The following ADAM28 variants were observed in gnomAD, a reference collection of about 807,000 sequenced individuals.
ADAM28 encodes disintegrin and metalloproteinase domain-containing protein 28.
In ADAM28, 105 loss-of-function variants were observed where a neutral mutation model predicts 101.2. The ratio of observed to expected loss-of-function variants is 1.04; its 90% confidence interval spans 0.89 to 1.22. ADAM28 has a LOEUF of 1.22. Ranked by LOEUF, ADAM28 falls within the 50% of genes most tolerant of loss-of-function variation. The pLI is 0.00. For missense variants in ADAM28, 1,028 were observed against 945.4 expected (o/e 1.09, Z -1.15); for synonymous variants, 322 against 310.6 (o/e 1.04, Z -0.39).
intron 5 of ADAM28, 68 bp downstream of exon 5, chr8:24,311,505 G>T (rs1810456105): frequency 8.1e-7 from 1 of 1,236,360 alleles, no homozygotes; most frequent in African/African-American, 1.5e-5. Context: ...TAACCAACCA[G>T]ATGAATCCCA....
Position 24,357,830 on chromosome 8 carries a change from G to T in ADAM28, c.*3426G>T, listed in dbSNP as rs1273371746. The T allele has an allele frequency of 6.6e-6, 1 of 151,912 alleles. No homozygotes were observed. Among genetic ancestry groups the T allele is most frequent in the East Asian group, 1.9e-4 (1 of 5,188 alleles). The allele number at this position is 151,912 out of a possible 1,614,324, so 9.4% of individuals were successfully genotyped here. A position where few individuals can be genotyped will look rare whatever the true frequency, so the allele number is the denominator to read the frequency against. ...CCTTCTTTACTAGCACCGAGGATTT[G>T]CTTGAAATCTCTGATAGCCAGTATT... On this transcript the variant is annotated 3_prime_UTR_variant, in exon 23 of 23. Coordinates refer to ENST00000265769, the MANE Select transcript of ADAM28 (RefSeq NM_014265.6).
chr8:24,311,373 T>C lies in ADAM28; in HGVS notation c.319T>C (p.Tyr107His). 1 of 1,612,598 alleles carries C rather than the reference T, an allele frequency of 6.2e-7. No individual in the cohort carries two copies. Among genetic ancestry groups the C allele is most frequent in the Non-Finnish European group, 8.5e-7 (1 of 1,179,276 alleles). ...CCTTTTCCTTTAGGATGATTGTTAT[T>C]ATCAAGGACATATTCTTAATGAAAA... is the stretch of plus-strand genomic sequence containing the variant. ...TSPQIMDDCY[Y>H]QGHILNEKVS... The change falls in exon 5 of 23, where the codon TAT (tyrosine) becomes CAT (histidine). Residue 107 changes from tyrosine to histidine, a missense_variant. By Grantham distance (83) the Tyr-to-His change is moderately conservative. Coordinates refer to ENST00000265769, the MANE Select transcript of ADAM28 (RefSeq NM_014265.6).
intron 16 of ADAM28, among the ~76,000 whole-genome samples, chr8:24,342,111 C>T (rs182259563): frequency 6.6e-6 from 1 of 152,282 alleles, no homozygotes; most frequent in East Asian, 1.9e-4. Flanking sequence ...CTGAAAGTGC[C>T]AGTGTATGTG....
chr8:24,317,739 A>C (rs62502724), intron 6 of ADAM28, among the ~76,000 whole-genome samples: 15,078 of 151,992 alleles, frequency 0.099, 954 homozygotes, highest in East Asian at 0.25. Context: ...AATGAAAAGG[A>C]ATCTAAAAAA....
rs753397425 is a variant in ADAM28 at position 24,331,202 on chromosome 8, T to C, written c.1156T>C (p.Phe386Leu). ...SSCSRLSYDK[F>L]FEDKLSNCLF... ...CTGCAGCCGTCTCAGCTATGACAAGTTTTTTGAAGATAAATTATCAAATTG... is the reference window on the plus strand; with the variant it reads ...CTGCAGCCGTCTCAGCTATGACAAGCTTTTTGAAGATAAATTATCAAATTG... The change falls in exon 12 of 23, where the codon TTT becomes CTT. Residue 386 changes from phenylalanine (F) to leucine (L), a missense_variant. Physicochemically the swap from Phe to Leu is conservative, Grantham distance 22. Transcript: ENST00000265769. The C allele has an allele frequency of 1.7e-5, 27 of 1,613,412 alleles. 1 individual carries two copies. The South Asian group carries it at 2.6e-4, about 16-fold the overall frequency.
In ADAM28 at chr8:24,332,465, G is replaced by A. The variant is rs1006867184; in HGVS notation, c.1282-195G>A. Among the ~76,000 whole-genome samples the A allele has an allele frequency of 7.9e-5, 12 of 152,186 alleles. No homozygotes were observed. In the South Asian group the frequency reaches 2.1e-3, roughly 26 times the overall value. On this transcript the variant is annotated intron_variant, in intron 12 of 22. Transcript: ENST00000265769. The stretch of plus-strand genomic sequence containing the variant: ...TAGTTAATAGAAAAATGACGTAAGT[G>A]GAATTCAGATAAACAACAAACCATC...
chr8:24,341,448 A>T (rs1814750590), intron 15 of ADAM28, 150 bp from the exon 16 acceptor site: 2 of 767,404 alleles, frequency 2.6e-6, no homozygotes, highest in African/African-American at 3.5e-5. Flanking sequence ...CAGGCATCCT[A>T]TTACTGAGAA....
At chr8:24,332,972 A>G (rs766159409) in intron 13 of ADAM28, among the ~76,000 whole-genome samples, 11 of 152,324 alleles carry the variant, frequency 7.2e-5, no homozygotes, top group South Asian at 6.2e-4. Context: ...TTGAGAAAAA[A>G]ATGCAGAGTA....
In ADAM28 at chr8:24,357,036, C is replaced by T. The variant is rs1159624175; in HGVS notation, c.*2632C>T. On this transcript the variant is annotated 3_prime_UTR_variant, in exon 23 of 23. Transcript: ENST00000265769. ...TATGTGTTAAGGAATTGAAGGTGGC[C>T]TCTGGCTAGCAGCCATTAAGAAAAT... 6.6e-6 allele frequency: 1 copy of T among 152,090 alleles called. No individual in the cohort carries two copies. The highest frequency in any genetic ancestry group is 1.9e-4 in the East Asian group (1 of 5,186). The allele number at this position is 152,090 out of a possible 1,614,324, so 9.4% of individuals were successfully genotyped here.
In ADAM28 at chr8:24,310,249, G is replaced by T. The variant is rs775862538; in HGVS notation, c.306+8G>T. ...ACAAGCCCACAAATTATGGTATAAC[G>T]GAGTCTCTTCAATTCTTTAATTAGG... On this transcript the variant is annotated splice_region_variant and intron_variant, in intron 4 of 22. Transcript: ENST00000265769. The T allele has an allele frequency of 8.1e-6, 13 of 1,610,148 alleles. No individual in the cohort carries two copies. In the African/African-American group the frequency reaches 1.3e-4, roughly 17 times the overall value.
Position 24,341,489 on chromosome 8 carries a change from A to G in ADAM28, c.1671-109A>G, listed in dbSNP as rs1372928933. The G allele has an allele frequency of 7.1e-6, 8 of 1,123,088 alleles. No homozygotes were observed. In the South Asian group the frequency reaches 9.0e-5, roughly 13 times the overall value. 69.6% of individuals were successfully genotyped at this position (1,123,088 alleles called of 1,614,324 possible). On this transcript the variant is annotated intron_variant, in intron 15 of 22. Transcript: ENST00000265769. Reference sequence around the variant, plus strand: ...GGAAAATGAGTGTAAAGTACAACTAAGAGTCTCGGCTACAGGGAAAAATAC... The same window carrying G: ...GGAAAATGAGTGTAAAGTACAACTAGGAGTCTCGGCTACAGGGAAAAATAC...
At chr8:24,326,339 T>C in intron 9 of ADAM28, among the ~76,000 whole-genome samples, 1 of 152,020 alleles carries the variant, frequency 6.6e-6, no homozygotes, top group South Asian at 2.1e-4. Flanking sequence ...ATAGAAAATA[T>C]TCAACATAAT....
chr8:24,357,088 ATGAAG>A lies in ADAM28; in HGVS notation c.*2691_*2695del, dbSNP rs1170901104. ...AGCCCCTGAGTTCAACGACCCTCAA[ATGAAG>A]TGAAGTCTACCAATAACCACTGAAT... On this transcript the variant is annotated 3_prime_UTR_variant, in exon 23 of 23. Coordinates refer to ENST00000265769, the MANE Select transcript of ADAM28 (RefSeq NM_014265.6). 4.6e-5 allele frequency: 7 copies of A among 151,168 alleles called. No homozygotes were observed. Among genetic ancestry groups the A allele is most frequent in the African/African-American group, 1.5e-4 (6 of 41,094 alleles). 9.4% of individuals were successfully genotyped at this position (151,168 alleles called of 1,614,324 possible).
chr8:24,327,207 A>G (rs1812739360), intron 10 of ADAM28, among the ~76,000 whole-genome samples: 1 of 152,156 alleles, frequency 6.6e-6, no homozygotes, highest in South Asian at 2.1e-4. Context: ...CTCAGGATAC[A>G]CAGTCAATGT....
chr8:24,312,407 C>G (rs1006047038), intron 5 of ADAM28, among the ~76,000 whole-genome samples: 1 of 152,060 alleles, frequency 6.6e-6, no homozygotes, highest in Non-Finnish European at 1.5e-5. Flanking sequence ...CAATCCCTTA[C>G]CAAGTCTTAT....
chr8:24,341,577 A>C, intron 15 of ADAM28, 21 bp from the exon 16 acceptor site: 1 of 1,606,724 alleles, frequency 6.2e-7, no homozygotes, highest in Non-Finnish European at 8.5e-7. Context: ...ATCCTGCAAT[A>C]CATTTTGGCT....
chr8:24,338,777 A>G (rs1814406734), intron 14 of ADAM28, among the ~76,000 whole-genome samples: 1 of 152,168 alleles, frequency 6.6e-6, no homozygotes, highest in East Asian at 1.9e-4. Flanking sequence ...AGCACAGAGA[A>G]GGAACATAGG....
chr8:24,328,612 G>A (rs547070540), intron 10 of ADAM28, among the ~76,000 whole-genome samples: 5 of 152,060 alleles, frequency 3.3e-5, no homozygotes, highest in Admixed American at 2.6e-4. Flanking sequence ...CATAACAGAT[G>A]ATCGTTGATG....
intron 2 of ADAM28, among the ~76,000 whole-genome samples, chr8:24,304,060 CCAAA>C (rs1157781623): frequency 1.3e-5 from 2 of 151,546 alleles, no homozygotes; most frequent in Non-Finnish European, 2.9e-5. Context: ...CACGTGCACA[CCAAA>C]CACCCTTTTT....
Sources: gnomAD v4.1 joint callset for allele counts (sites outside exome capture counted in the v4.1 genomes callset) on GRCh38, gnomAD v4.1.1 for gene constraint, MANE v1.5 for transcripts, NCBI Gene and HGNC (gene_info 2026-07-23, HGNC 2026-07-21) for gene names.